CTDSPL2: variants seen among roughly 807,000 people sequenced by gnomAD.
CTDSPL2 encodes the protein CTD small phosphatase like 2.
CTDSPL2 carries 5 observed loss-of-function variants against 60.0 expected under a neutral mutation model. The ratio of observed to expected loss-of-function variants is 0.08; its 90% CI spans 0.04 to 0.18. The LOEUF (loss-of-function observed/expected upper bound fraction) is 0.18. Ranked by LOEUF, CTDSPL2 falls within the 10% of genes least tolerant of loss-of-function variation. The pLI is 1.00. For synonymous variants in CTDSPL2, 186 were observed against 189.3 expected (o/e 0.98, Z 0.14); for missense variants, 370 against 548.8 (o/e 0.67, Z 3.26).
rs140875939 is a variant in CTDSPL2 at position 44,436,165 on chromosome 15, G to C, written c.-25+8393G>C. On this transcript the variant is annotated intron_variant, in intron 1 of 12. Transcript: ENST00000260327. ...GAAAATGTCATTTGGTGTCAAAGAG[G>C]GCAATGACTTTAGCTTTTTCTTTCA... Among the ~76,000 whole-genome samples, 546 of 152,196 alleles carry C rather than the reference G, an allele frequency of 3.6e-3. 2 individuals are homozygous for C. Among genetic ancestry groups the C allele is most frequent in the Middle Eastern group, 0.034 (10 of 294 alleles).
chr15:44,499,873 T>C (rs1259378182), intron 8 of CTDSPL2, 60 bp downstream of exon 8: 4 of 915,108 alleles, frequency 4.4e-6, no homozygotes, highest in Non-Finnish European at 3.5e-6. Context: ...TAAAAAAAAC[T>C]TTTGTATTTT....
intron 1 of CTDSPL2, among the ~76,000 whole-genome samples, chr15:44,444,302 T>TACACACACACACACACACACACACAC (rs59993417): frequency 7.3e-6 from 1 of 136,196 alleles, no homozygotes; most frequent in African/African-American, 2.8e-5. Flanking sequence ...GCTTTTCCCA[T>TACACACACACACACACACACACACAC]ACACACACAC....
chr15:44,438,152 T>C (rs908520389), intron 1 of CTDSPL2, among the ~76,000 whole-genome samples: 25 of 151,972 alleles, frequency 1.6e-4, no homozygotes, highest in Admixed American at 3.3e-4. Context: ...TAGTCCCAGC[T>C]ACTCGGAAGG....
At chr15:44,464,716 C>T (rs1434405584) in intron 2 of CTDSPL2, among the ~76,000 whole-genome samples, 6 of 151,848 alleles carry the variant, frequency 4.0e-5, no homozygotes, top group Admixed American at 6.6e-5. Context: ...TTTTTTTGTG[C>T]GTGTATGTGA....
chr15:44,493,269 T>C, intron 5 of CTDSPL2, among the ~76,000 whole-genome samples: 1 of 152,292 alleles, frequency 6.6e-6, no homozygotes, highest in South Asian at 2.1e-4. Flanking sequence ...AGAGTATAGA[T>C]AGAGGCATTT....
chr15:44,479,014 C>T (rs1268207708), intron 2 of CTDSPL2, among the ~76,000 whole-genome samples: 3 of 150,676 alleles, frequency 2.0e-5, no homozygotes, highest in Non-Finnish European at 4.4e-5. Context: ...CCACTCCTGG[C>T]TTTTACATTT....
Position 44,474,396 on chromosome 15 carries a change from C to T in CTDSPL2, c.187-9828C>T, listed in dbSNP as rs374986197. ...GTCCCTGCTACTCAGGAGGCTGAGG[C>T]GGGAGATCGCTTGAACCCAGGAGGC... On this transcript the variant is annotated intron_variant, in intron 2 of 12. Transcript: ENST00000260327. Among the ~76,000 whole-genome samples the T allele has an allele frequency of 4.3e-3, 660 of 152,232 alleles. 4 individuals carry two copies. Among genetic ancestry groups the T allele is most frequent in the African/African-American group, 0.015 (636 of 41,542 alleles).
chr15:44,510,277 C>T (rs1044320254), intron 8 of CTDSPL2, among the ~76,000 whole-genome samples: 1 of 152,238 alleles, frequency 6.6e-6, no homozygotes, highest in East Asian at 1.9e-4. Flanking sequence ...GGATTACAGG[C>T]GTGAGCCACC....
chr15:44,494,843 G>T (rs1158972135), intron 5 of CTDSPL2, among the ~76,000 whole-genome samples: 2 of 150,778 alleles, frequency 1.3e-5, no homozygotes, highest in Admixed American at 1.3e-4. Context: ...TTGAACCGGT[G>T]AGGCGGAGGT....
chr15:44,444,926 C>T (rs1390924213), intron 1 of CTDSPL2, among the ~76,000 whole-genome samples: 1 of 143,092 alleles, frequency 7.0e-6, no homozygotes, highest in Non-Finnish European at 1.5e-5. Context: ...CAGCTCACTG[C>T]AAGCTCCACC....
intron 1 of CTDSPL2, among the ~76,000 whole-genome samples, chr15:44,442,456 A>AG (rs2080109761): frequency 6.6e-6 from 1 of 151,976 alleles, no homozygotes; most frequent in South Asian, 2.1e-4. Context: ...CAAAAAAAAA[A>AG]AAAAAAAGAT....
chr15:44,487,820 A>G (rs561906045), intron 4 of CTDSPL2, among the ~76,000 whole-genome samples: 20 of 152,170 alleles, frequency 1.3e-4, no homozygotes, highest in Admixed American at 1.2e-3. Flanking sequence ...TTTTATTAAG[A>G]AAGTAAAGGA....
At position 44,428,611 on chromosome 15, in the gene CTDSPL2, A is replaced by G. The variant is rs138910994; in HGVS notation, c.-25+839A>G. On this transcript the variant is annotated intron_variant, in intron 1 of 12. Coordinates refer to ENST00000260327, the MANE Select transcript of CTDSPL2 (RefSeq NM_016396.3). ...CTCGTAAACTTACCTGAGATCCTGA[A>G]ATGAAACGTACTCAGTAGATGTTCC... Among the ~76,000 whole-genome samples, 69 of 152,344 alleles carry G rather than the reference A, an allele frequency of 4.5e-4. No homozygotes were observed. The East Asian group carries it at 0.013, about 29-fold the overall frequency.
chr15:44,497,721 G>T (rs1292440418), intron 7 of CTDSPL2, among the ~76,000 whole-genome samples: 6 of 152,170 alleles, frequency 3.9e-5, no homozygotes, highest in African/African-American at 1.4e-4. Context: ...GGGACTGGGT[G>T]TGGTAGCTCA....
At position 44,527,505 on chromosome 15, in the gene CTDSPL2, C is replaced by G. The variant is rs564468305; in HGVS notation, c.*3331C>G. The G allele has an allele frequency of 5.9e-5, 9 of 152,242 alleles. No homozygotes were observed. In the South Asian group the frequency reaches 1.9e-3, roughly 32 times the overall value. The allele number at this position is 152,242 out of a possible 1,614,324, so 9.4% of individuals were successfully genotyped here. On this transcript the variant is annotated 3_prime_UTR_variant, in exon 13 of 13. Transcript: ENST00000260327. ...CGAGCACAGAATTCTTCATAAGGAC[C>G]AGATCTCTTCCATGTCTGTGTCAAT...
chr15:44,496,247 T>C (rs2081298208), intron 5 of CTDSPL2, 133 bp from the exon 6 acceptor site: 1 of 604,718 alleles, frequency 1.7e-6, no homozygotes, highest in South Asian at 2.2e-5. Context: ...AATTGGCTTT[T>C]AGGTGTTTAC....
At chr15:44,511,092 A>G (rs1163052792) in intron 8 of CTDSPL2, among the ~76,000 whole-genome samples, 1 of 151,952 alleles carries the variant, frequency 6.6e-6, no homozygotes, top group Non-Finnish European at 1.5e-5. Context: ...TTCCTCCCTC[A>G]TTCTCTGCCT....
At chr15:44,502,641 A>T (rs1567096795) in intron 8 of CTDSPL2, among the ~76,000 whole-genome samples, 1 of 152,196 alleles carries the variant, frequency 6.6e-6, no homozygotes, top group Non-Finnish European at 1.5e-5. Flanking sequence ...GGCAGGCTGC[A>T]TTTGGCCACC....
chr15:44,503,230 T>A (rs563108812), intron 8 of CTDSPL2, among the ~76,000 whole-genome samples: 15 of 152,290 alleles, frequency 9.8e-5, no homozygotes, highest in South Asian at 2.1e-4. Flanking sequence ...GTTTTTTTTT[T>A]ACATTGTTTT....
Sources: gnomAD v4.1 joint callset for allele counts (sites outside exome capture counted in the v4.1 genomes callset) on GRCh38, gnomAD v4.1.1 for gene constraint, MANE v1.5 for transcripts, NCBI Gene and HGNC (gene_info 2026-07-23, HGNC 2026-07-21) for gene names.